CDH23: variants seen among roughly 807,000 people sequenced by gnomAD.
CDH23 encodes cadherin-23.
CDH23 carries 189 observed loss-of-function variants against 317.1 expected under a neutral mutation model. That is an observed-to-expected ratio of 0.60 (90% CI 0.53 to 0.67). The LOEUF (loss-of-function observed/expected upper bound fraction) is 0.67. CDH23 is among the 30% of genes least tolerant of loss of function. The pLI, the probability that CDH23 is intolerant of heterozygous loss-of-function variation, is 0.00. For missense variants in CDH23, 4,401 were observed against 4,592.4 expected (o/e 0.96, Z 1.20); for synonymous variants, 1,839 against 1,876.8 (o/e 0.98, Z 0.52).
intron 44 of CDH23, among the ~76,000 whole-genome samples, chr10:71,788,204 T>C (rs539181024): frequency 2.0e-5 from 3 of 151,736 alleles, no homozygotes; most frequent in African/African-American, 7.3e-5. Context: ...TAAGCCATCA[T>C]GCCCAGCTAA....
intron 1 of CDH23, among the ~76,000 whole-genome samples, chr10:71,408,980 T>C (rs1848233563): frequency 6.6e-6 from 1 of 152,214 alleles, no homozygotes; most frequent in Non-Finnish European, 1.5e-5. Flanking sequence ...TGTGCATGCA[T>C]TGGCTGATGT....
chr10:71,720,314 T>G (rs1866494347), intron 28 of CDH23, among the ~76,000 whole-genome samples: 1 of 151,902 alleles, frequency 6.6e-6, no homozygotes, highest in Non-Finnish European at 1.5e-5. Context: ...TCTTCAAAGG[T>G]CAGGGGGATC....
Position 71,500,232 on chromosome 10 carries a change from G to A in CDH23, c.146-9850G>A, listed in dbSNP as rs549606491. On this transcript the variant is annotated intron_variant, in intron 3 of 69. Coordinates refer to ENST00000224721, the MANE Select transcript of CDH23 (RefSeq NM_022124.6). ...TGTATCAAAATATCACAGGTACCCC[G>A]TAAATATGTACAATTATTATGTATC... 2.0e-5 allele frequency among the ~76,000 whole-genome samples: 3 copies of A among 152,216 alleles called. No individual in the cohort carries two copies. In the South Asian group the frequency reaches 6.2e-4, roughly 32 times the overall value.
At chr10:71,445,966 T>C (rs888744867) in intron 2 of CDH23, among the ~76,000 whole-genome samples, 1 of 152,214 alleles carries the variant, frequency 6.6e-6, no homozygotes, top group East Asian at 1.9e-4. Flanking sequence ...ATATAATCAA[T>C]GTAAAAGATC....
chr10:71,674,737 G>A lies in CDH23; in HGVS notation c.1450-375G>A, dbSNP rs1373657741. On this transcript the variant is annotated intron_variant, in intron 14 of 69. Coordinates refer to ENST00000224721, the MANE Select transcript of CDH23 (RefSeq NM_022124.6). ...ATAAGTAACTGTTGAGTGAATGAACGATGTCATTTAGCCTGCACTGTGGAT... is the reference window on the plus strand; with the variant it reads ...ATAAGTAACTGTTGAGTGAATGAACAATGTCATTTAGCCTGCACTGTGGAT... Among the ~76,000 whole-genome samples the A allele has an allele frequency of 3.3e-5, 5 of 152,172 alleles. No individual in the cohort carries two copies. In the East Asian group the frequency reaches 5.8e-4, roughly 18 times the overall value.
rs761674470 is a variant in CDH23 at position 71,793,577 on chromosome 10, A to G, written c.6649A>G (p.Lys2217Glu). 4 of 1,612,618 alleles carry G rather than the reference A, an allele frequency of 2.5e-6. No homozygotes were observed. Among genetic ancestry groups the G allele is most frequent in the East Asian group, 4.5e-5 (2 of 44,868 alleles). ...LEYHIVGIVA[K>E]DDTDRLVPNQ... ...GTACCACATTGTCGGCATTGTGGCCAAGGACGACACTGATCGCCTGGTGCC... is the reference window on the plus strand; with the variant it reads ...GTACCACATTGTCGGCATTGTGGCCGAGGACGACACTGATCGCCTGGTGCC... The change falls in exon 48 of 70, where the codon AAG becomes GAG. Residue 2217 changes from lysine to glutamate, a missense_variant. Coordinates refer to ENST00000224721, the MANE Select transcript of CDH23 (RefSeq NM_022124.6).
At chr10:71,783,197 C>T (rs1006144894) in intron 41 of CDH23, among the ~76,000 whole-genome samples, 1 of 152,220 alleles carries the variant, frequency 6.6e-6, no homozygotes, top group Non-Finnish European at 1.5e-5. Flanking sequence ...CAGGCTCTCC[C>T]AGTTCCCTAG....
chr10:71,420,846 A>G (rs1848778532), intron 1 of CDH23, among the ~76,000 whole-genome samples: 1 of 152,052 alleles, frequency 6.6e-6, no homozygotes, highest in Non-Finnish European at 1.5e-5. Flanking sequence ...TACTCACTTC[A>G]GCATTTCTCG....
chr10:71,769,175 C>A (rs1840628767), intron 38 of CDH23, among the ~76,000 whole-genome samples: 4 of 152,210 alleles, frequency 2.6e-5, no homozygotes, highest in Admixed American at 6.5e-5. Flanking sequence ...TTATTTCAGT[C>A]CTGATTACAT....
intron 14 of CDH23, among the ~76,000 whole-genome samples, chr10:71,648,196 C>T (rs1208696471): frequency 2.6e-5 from 4 of 152,222 alleles, no homozygotes; most frequent in African/African-American, 2.4e-5. Flanking sequence ...CAGCTTTCAC[C>T]AAGGTGCTCC....
At chr10:71,453,508 C>T (rs1170974691) in intron 3 of CDH23, among the ~76,000 whole-genome samples, 1 of 152,218 alleles carries the variant, frequency 6.6e-6, no homozygotes, top group Non-Finnish European at 1.5e-5. Flanking sequence ...AGCATAGATG[C>T]TGGCAGGCAC....
At position 71,699,530 on chromosome 10, in the gene CDH23, G is replaced by A. The variant is rs541876708; in HGVS notation, c.2398-2492G>A. 5.9e-5 allele frequency among the ~76,000 whole-genome samples: 9 copies of A among 152,362 alleles called. No homozygotes were observed. The East Asian group carries it at 1.7e-3, about 29-fold the overall frequency. On this transcript the variant is annotated intron_variant, in intron 22 of 69. Transcript: ENST00000224721. The stretch of plus-strand genomic sequence containing the variant: ...ATGCAGGCACTGAGGATGTCCACCT[G>A]CACTGGTGTGCGCTGGCGGAGTGGC...
chr10:71,775,410 G>GTTGGACCCCA (rs1840795437), intron 38 of CDH23, among the ~76,000 whole-genome samples: 1 of 152,142 alleles, frequency 6.6e-6, no homozygotes, highest in Non-Finnish European at 1.5e-5. Flanking sequence ...TTCCCCAGGG[G>GTTGGACCCCA]GATAGAGCCT....
At chr10:71,435,481 G>A (rs1041255597) in intron 1 of CDH23, among the ~76,000 whole-genome samples, 1 of 152,242 alleles carries the variant, frequency 6.6e-6, no homozygotes, top group Non-Finnish European at 1.5e-5. Flanking sequence ...GGAAATTGGA[G>A]TCTGAGGGCT....
chr10:71,532,231 T>C (rs976470011), intron 6 of CDH23, among the ~76,000 whole-genome samples: 4 of 152,202 alleles, frequency 2.6e-5, no homozygotes, highest in Admixed American at 1.3e-4. Context: ...GAGCCTCTAA[T>C]TGATGAACTT....
intron 28 of CDH23, among the ~76,000 whole-genome samples, chr10:71,720,878 G>A (rs1866525380): frequency 6.6e-6 from 1 of 152,182 alleles, no homozygotes; most frequent in Non-Finnish European, 1.5e-5. Flanking sequence ...TGGGGGACTT[G>A]GTGTTTCCCC....
intron 3 of CDH23, among the ~76,000 whole-genome samples, chr10:71,462,485 T>C (rs376586357): frequency 1.6e-4 from 24 of 151,878 alleles, no homozygotes; most frequent in South Asian, 6.3e-4. Context: ...TCCTCAAGAG[T>C]GAATGGTCAA....
At chr10:71,667,798 G>A (rs1218856187) in intron 14 of CDH23, among the ~76,000 whole-genome samples, 1 of 152,102 alleles carries the variant, frequency 6.6e-6, no homozygotes, top group Non-Finnish European at 1.5e-5. Context: ...GGAATAGCGG[G>A]TCCCCAGAGA....
intron 34 of CDH23, among the ~76,000 whole-genome samples, chr10:71,737,426 ACT>A (rs1231333723): frequency 1.3e-5 from 2 of 152,192 alleles, no homozygotes; most frequent in Non-Finnish European, 2.9e-5. Context: ...GCCCAGGCTC[ACT>A]CTCCTATACT....
Sources: allele counts gnomAD v4.1 joint callset (sites outside exome capture counted in the v4.1 genomes callset), GRCh38; gene constraint gnomAD v4.1.1; transcripts MANE v1.5; gene names NCBI Gene and HGNC (gene_info 2026-07-23, HGNC 2026-07-21).